GLT1D1: variants seen among roughly 807,000 people sequenced by gnomAD.
The protein encoded by GLT1D1 is glycosyltransferase 1 domain-containing protein 1.
In GLT1D1, 21 loss-of-function variants were observed where a neutral mutation model predicts 28.7. The observed-to-expected ratio is 0.73, with a 90% CI of 0.52 to 1.05. GLT1D1 has a LOEUF of 1.05. Ranked by LOEUF, GLT1D1 falls within the 50% of genes least tolerant of loss-of-function variation. The probability of loss-of-function intolerance (pLI) is 0.00; values close to 1 mark genes in which losing one functional copy is unlikely to be tolerated. For synonymous variants in GLT1D1, 147 were observed against 124.8 expected, an observed-to-expected ratio of 1.18 and a Z score of -1.19; for missense variants, 343 against 330.6, an observed-to-expected ratio of 1.04 and a Z score of -0.29.
At chr12:128,892,477 C>A (rs927046124) in intron 3 of GLT1D1, among the ~76,000 whole-genome samples, 3 of 152,176 alleles carry the variant, frequency 2.0e-5, no homozygotes, top group African/African-American at 7.2e-5. Context: ...AAAAACAATT[C>A]TGTTTACTAG....
chr12:128,889,715 T>C (rs1868818858), intron 3 of GLT1D1, among the ~76,000 whole-genome samples: 1 of 151,936 alleles, frequency 6.6e-6, no homozygotes, highest in South Asian at 2.1e-4. Flanking sequence ...CAGAAAGGAG[T>C]CACTTGTGCT....
chr12:128,943,176 CACTT>C (rs1282149251), intron 4 of GLT1D1, among the ~76,000 whole-genome samples: 4 of 152,242 alleles, frequency 2.6e-5, no homozygotes, highest in African/African-American at 9.6e-5. Flanking sequence ...TCAGGAAACT[CACTT>C]ACTGGTCCTG....
chr12:128,928,024 AACAAAAAAGAAT>A (rs1279110831), intron 4 of GLT1D1, among the ~76,000 whole-genome samples: 2 of 148,170 alleles, frequency 1.3e-5, no homozygotes, highest in African/African-American at 4.9e-5. Context: ...AAAAAAAAAA[AACAAAAAAGAAT>A]AGAAAAAAAG....
chr12:128,875,038 T>A (rs1956839236), intron 1 of GLT1D1, among the ~76,000 whole-genome samples: 1 of 149,322 alleles, frequency 6.7e-6, no homozygotes, highest in South Asian at 2.1e-4. Context: ...AGAGACATGT[T>A]TGAAAGACAT....
intron 4 of GLT1D1, among the ~76,000 whole-genome samples, chr12:128,938,097 C>T (rs1874752991): frequency 2.0e-5 from 3 of 152,118 alleles, no homozygotes; most frequent in Non-Finnish European, 4.4e-5. Context: ...AAATTCAGCC[C>T]CAGGAGTCAG....
intron 2 of GLT1D1, among the ~76,000 whole-genome samples, chr12:128,884,411 G>A (rs953331223): frequency 6.6e-6 from 1 of 152,140 alleles, no homozygotes; most frequent in South Asian, 2.1e-4. Context: ...GAGGAGATTA[G>A]GGAAACGTTG....
intron 7 of GLT1D1, among the ~76,000 whole-genome samples, chr12:128,962,809 A>G (rs1266326218): frequency 6.6e-6 from 1 of 152,016 alleles, no homozygotes; most frequent in East Asian, 1.9e-4. Flanking sequence ...TCAAGTGATT[A>G]TCCTGTCTCA....
At position 128,853,601 on chromosome 12, in the gene GLT1D1, C is replaced by A. The variant is rs762988562; in HGVS notation, c.20C>A (p.Ala7Glu). The A allele has an allele frequency of 6.0e-6, 7 of 1,169,566 alleles. No homozygotes were observed. The highest frequency in any genetic ancestry group is 7.5e-6 in the Non-Finnish European group (7 of 937,088). 72.4% of individuals were successfully genotyped at this position (1,169,566 alleles called of 1,614,324 possible). The change falls in exon 1 of 8, where the codon GCG becomes GAG. Residue 7 changes from alanine (A) to glutamate (E), a missense_variant. Physicochemically the swap from Ala to Glu is moderately radical, Grantham distance 107. Transcript: ENST00000281703. The stretch of plus-strand genomic sequence containing the variant: ...GGCGGCATGCGGCTCCTGTTCCTGG[C>A]GGTGCTGCGGCCACACACCGGCAAC...
rs1349305884 is a variant in GLT1D1 at position 128,981,229 on chromosome 12, C to T, written c.640-1700C>T. 4.6e-5 allele frequency among the ~76,000 whole-genome samples: 7 copies of T among 152,174 alleles called. No individual in the cohort carries two copies. In the South Asian group the frequency reaches 6.2e-4, roughly 14 times the overall value. ...ATGTTTTTTCGTTCACTTTTCCATGCGGAGAGAAAAGAAGAGTGTGTTTTA... is the reference window on the plus strand; with the variant it reads ...ATGTTTTTTCGTTCACTTTTCCATGTGGAGAGAAAAGAAGAGTGTGTTTTA... On this transcript the variant is annotated intron_variant, in intron 7 of 7. Coordinates refer to ENST00000281703, the MANE Select transcript of GLT1D1 (RefSeq NM_144669.3).
chr12:128,879,704 G>A lies in GLT1D1; in HGVS notation c.217+3642G>A, dbSNP rs546862197. 1.3e-4 allele frequency among the ~76,000 whole-genome samples: 20 copies of A among 152,144 alleles called. No homozygotes were observed. In the South Asian group the frequency reaches 3.1e-3, roughly 24 times the overall value. ...TCTCCTGGCTTAAAGTTGTTTGCCC[G>A]CCTCGGCCTCCCAAAGTGCTGGGAT... On this transcript the variant is annotated intron_variant, in intron 2 of 7. Coordinates refer to ENST00000281703, the MANE Select transcript of GLT1D1 (RefSeq NM_144669.3).
intron 2 of GLT1D1, among the ~76,000 whole-genome samples, chr12:128,882,274 ATTT>A (rs533208189): frequency 6.0e-5 from 8 of 133,528 alleles, no homozygotes; most frequent in African/African-American, 8.6e-5. Flanking sequence ...GTATAACGCA[ATTT>A]TTTTTTTTTT....
intron 7 of GLT1D1, among the ~76,000 whole-genome samples, chr12:128,972,331 G>A (rs1392455070): frequency 2.6e-5 from 4 of 152,240 alleles, no homozygotes; most frequent in Non-Finnish European, 4.4e-5. Context: ...AGGTAGCTGC[G>A]GGAGAGAGAA....
chr12:128,888,448 T>A (rs1200730556), intron 2 of GLT1D1, among the ~76,000 whole-genome samples, 191 bp from the exon 3 acceptor site: 1 of 152,256 alleles, frequency 6.6e-6, no homozygotes, highest in African/African-American at 2.4e-5. Flanking sequence ...CTCCCGTGAT[T>A]CCTCTTGGTG....
intron 7 of GLT1D1, among the ~76,000 whole-genome samples, chr12:128,970,014 G>A (rs1878880775): frequency 1.3e-5 from 2 of 152,184 alleles, no homozygotes; most frequent in Admixed American, 6.5e-5. Flanking sequence ...ATCTGTGTCA[G>A]CCCTGACAAA....
intron 4 of GLT1D1, among the ~76,000 whole-genome samples, chr12:128,903,021 CAAAA>C (rs34692166): frequency 2.6e-5 from 3 of 115,028 alleles, no homozygotes. Context: ...GACTCCGTCT[CAAAA>C]AAAAAAAAAA....
At chr12:128,974,869 T>G (rs1221540878) in intron 7 of GLT1D1, among the ~76,000 whole-genome samples, 1 of 152,236 alleles carries the variant, frequency 6.6e-6, no homozygotes, top group Non-Finnish European at 1.5e-5. Flanking sequence ...GATCCTGACC[T>G]CCACTGGAGG....
chr12:128,980,409 A>G (rs1565930579), intron 7 of GLT1D1, among the ~76,000 whole-genome samples: 1 of 152,268 alleles, frequency 6.6e-6, no homozygotes, highest in Non-Finnish European at 1.5e-5. Flanking sequence ...TGTCAGTTAT[A>G]CATCACTGTG....
chr12:128,912,229 G>A (rs1445762722), intron 4 of GLT1D1, among the ~76,000 whole-genome samples, 195 bp from the exon 5 acceptor site: 1 of 152,116 alleles, frequency 6.6e-6, no homozygotes, highest in Non-Finnish European at 1.5e-5. Context: ...ATTTTTAATG[G>A]CAAAACCTAT....
intron 3 of GLT1D1, among the ~76,000 whole-genome samples, chr12:128,891,331 G>C (rs1249009444): frequency 6.6e-6 from 1 of 152,132 alleles, no homozygotes; most frequent in African/African-American, 2.4e-5. Context: ...GGGGTTCTGT[G>C]CAGTTTGTCC....
Sources: allele counts gnomAD v4.1 joint callset (sites outside exome capture counted in the v4.1 genomes callset), GRCh38; gene constraint gnomAD v4.1.1; transcripts MANE v1.5; gene names NCBI Gene and HGNC (gene_info 2026-07-23, HGNC 2026-07-21).